Variants in IGFL4 observed in about 807,000 individuals in gnomAD.
The protein encoded by IGFL4 is insulin growth factor-like family member 4.
A neutral mutation model predicts 15.4 loss-of-function variants in IGFL4; 12 were observed. The observed-to-expected ratio is 0.78, with a 90% CI of 0.50 to 1.26. IGFL4 has a LOEUF of 1.26. Among genes scored for constraint, IGFL4 ranks in the 50% most tolerant of loss-of-function variants. The pLI is 0.00. For synonymous variants in IGFL4, 54 were observed against 55.9 expected (o/e 0.97, Z 0.16); for missense variants, 126 against 147.8 (o/e 0.85, Z 0.76).
At chr19:46,067,401 A>G (rs77452282) in intron 1 of IGFL4, among the ~76,000 whole-genome samples, 28 of 152,132 alleles carry the variant, frequency 1.8e-4, no homozygotes, top group African/African-American at 6.5e-4. Flanking sequence ...GCTTCCTTGC[A>G]TGCCTTCACC....
chr19:46,040,137 G>C lies in IGFL4; in HGVS notation c.330+20C>G. On this transcript the variant is annotated intron_variant, in intron 3 of 3. Transcript: ENST00000377697. The surrounding 1 kb of genome is among the most constrained non-coding windows in gnomAD (Gnocchi z 4.1). ...CCCTACTCCCCCCTCCCACAGCCTG[G>C]ACTGGAGTCAGATCCTTACCTGGGC... 6.2e-7 allele frequency: 1 copy of C among 1,612,386 alleles called. No homozygotes were observed. The highest frequency in any genetic ancestry group is 8.5e-7 in the Non-Finnish European group (1 of 1,179,296).
In IGFL4 at chr19:46,046,168, AT is replaced by A. The variant is rs1243362377; in HGVS notation, c.-322-5059del. ...TTCATATCCAGCCAAACTAAGCTTCATAAGTGGAGAAATAAGGTCCTTTTCA... is the reference window on the plus strand; with the variant it reads ...TTCATATCCAGCCAAACTAAGCTTCAAAGTGGAGAAATAAGGTCCTTTTCA... On this transcript the variant is annotated intron_variant, in intron 2 of 5. Coordinates refer to the IGFL4 transcript ENST00000601672. Among the ~76,000 whole-genome samples, 79 of 152,338 alleles carry A rather than the reference AT, an allele frequency of 5.2e-4. 1 individual carries two copies. Among genetic ancestry groups the A allele is most frequent in the African/African-American group, 1.9e-3 (78 of 41,574 alleles).
intron 1 of IGFL4, among the ~76,000 whole-genome samples, chr19:46,066,808 A>G (rs1447816370): frequency 6.6e-6 from 1 of 152,220 alleles, no homozygotes; most frequent in African/African-American, 2.4e-5. Context: ...CCCCACCTCC[A>G]ATACTGGTGA....
chr19:46,044,836 CA>C (rs1359978420), upstream of IGFL4, among the ~76,000 whole-genome samples: 4 of 152,076 alleles, frequency 2.6e-5, no homozygotes, highest in African/African-American at 9.7e-5. Context: ...AAAACGGAGG[CA>C]ACCAGGGTCT....
chr19:46,052,863 C>A (rs546244199), intron 2 of IGFL4, among the ~76,000 whole-genome samples: 17 of 129,542 alleles, frequency 1.3e-4, no homozygotes, highest in African/African-American at 4.8e-4. Flanking sequence ...TATATGTTAT[C>A]TCGTTTTTTT....
chr19:46,076,321 T>C (rs905289151), intron 1 of IGFL4, among the ~76,000 whole-genome samples: 1 of 152,364 alleles, frequency 6.6e-6, no homozygotes, highest in Admixed American at 6.5e-5. Context: ...CGAATTCATT[T>C]CTTGCTCAAA....
chr19:46,046,511 C>A (rs1433957297), intron 2 of IGFL4, among the ~76,000 whole-genome samples: 2 of 152,128 alleles, frequency 1.3e-5, no homozygotes, highest in Admixed American at 6.5e-5. Context: ...CTTCGAGAGA[C>A]CCATCTCACA....
In IGFL4 at chr19:46,040,816, T is replaced by C. The variant is rs1425117866; in HGVS notation, c.19+128A>G. 6 of 962,568 alleles carry C rather than the reference T, an allele frequency of 6.2e-6. No individual in the cohort carries two copies. Among genetic ancestry groups the C allele is most frequent in the Non-Finnish European group, 9.8e-6 (6 of 614,792 alleles). The allele number at this position is 962,568 out of a possible 1,614,324, so 59.6% of individuals were successfully genotyped here. On this transcript the variant is annotated intron_variant, in intron 1 of 3. Coordinates refer to ENST00000377697, the MANE Select transcript of IGFL4 (RefSeq NM_001002923.3). This position sits in a 1 kb window ranked among gnomAD's most constrained non-coding sequence, Gnocchi z 4.1. The stretch of plus-strand genomic sequence containing the variant: ...GATTACAATGCAGTCACAGATGACA[T>C]AGCAGTGATTATGAGGTGGGACACC...
intron 1 of IGFL4, among the ~76,000 whole-genome samples, chr19:46,061,026 C>T (rs184084302): frequency 7.2e-5 from 11 of 152,202 alleles, no homozygotes; most frequent in Non-Finnish European, 1.2e-4. Context: ...ACTTTTATTC[C>T]AATGTTCAAT....
chr19:46,043,380 T>C (rs1969265220), upstream of IGFL4, among the ~76,000 whole-genome samples: 1 of 152,204 alleles, frequency 6.6e-6, no homozygotes, highest in South Asian at 2.1e-4. Flanking sequence ...CTCCAAATTG[T>C]CTACAGATTT....
At chr19:46,041,839 T>TC (rs965506074), upstream of IGFL4, among the ~76,000 whole-genome samples, 3 of 36,928 alleles carry the variant, frequency 8.1e-5, no homozygotes, top group African/African-American at 1.6e-4. Flanking sequence ...CTCTCTCTCT[T>TC]TTTTTTTTTT....
At chr19:46,075,694 T>G (rs999377705) in intron 1 of IGFL4, among the ~76,000 whole-genome samples, 1 of 152,206 alleles carries the variant, frequency 6.6e-6, no homozygotes, top group African/African-American at 2.4e-5. Flanking sequence ...CAGCGTAAAG[T>G]TACTCTTTTT....
chr19:46,058,704 C>A (rs1256258270), intron 2 of IGFL4: 1 of 152,224 alleles, frequency 6.6e-6, no homozygotes, highest in South Asian at 2.1e-4. Context: ...AATTCTTGAC[C>A]TCTGTGCACC....
chr19:46,054,709 C>T (rs879299525), intron 2 of IGFL4, among the ~76,000 whole-genome samples: 2 of 151,958 alleles, frequency 1.3e-5, no homozygotes, highest in Non-Finnish European at 2.9e-5. Context: ...GGACCTAATA[C>T]CTAAAAAATT....
intron 1 of IGFL4, among the ~76,000 whole-genome samples, chr19:46,076,396 T>C (rs1969595939): frequency 6.6e-6 from 1 of 152,168 alleles, no homozygotes; most frequent in Non-Finnish European, 1.5e-5. Flanking sequence ...CATATTGTGA[T>C]CAATGTGGGG....
In IGFL4 at chr19:46,053,617, T is replaced by C. The variant is rs552753881; in HGVS notation, c.-323+6568A>G. The stretch of plus-strand genomic sequence containing the variant: ...ATGTCTCTTAGATATACTGATTTCC[T>C]TTTTTGTGTGTGATAAATGCCCAGT... On this transcript the variant is annotated intron_variant, in intron 2 of 5. Coordinates refer to the IGFL4 transcript ENST00000601672. 9.8e-5 allele frequency among the ~76,000 whole-genome samples: 15 copies of C among 152,338 alleles called. No homozygotes were observed. In the South Asian group the frequency reaches 2.9e-3, roughly 29 times the overall value.
At chr19:46,046,095 A>G (rs1408629289) in intron 2 of IGFL4, among the ~76,000 whole-genome samples, 2 of 152,190 alleles carry the variant, frequency 1.3e-5, no homozygotes, top group Non-Finnish European at 2.9e-5. Flanking sequence ...GCCAGAAGAG[A>G]TTGGGGGCCA....
intron 1 of IGFL4, among the ~76,000 whole-genome samples, chr19:46,074,310 T>C (rs1053392875): frequency 4.7e-5 from 7 of 149,960 alleles, no homozygotes; most frequent in Middle Eastern, 3.6e-3. Flanking sequence ...CACACACACA[T>C]ATATATATCT....
At chr19:46,054,196 GA>G (rs1969372797) in intron 2 of IGFL4, among the ~76,000 whole-genome samples, 1 of 152,082 alleles carries the variant, frequency 6.6e-6, no homozygotes, top group East Asian at 1.9e-4. Flanking sequence ...CTAATATCCT[GA>G]AGCATTTTCC....
Sources: gnomAD v4.1 joint callset for allele counts (sites outside exome capture counted in the v4.1 genomes callset) on GRCh38, gnomAD v4.1.1 for gene constraint, Gnocchi (gnomAD v3.1) non-coding constraint, MANE v1.5 for transcripts, NCBI Gene and HGNC (gene_info 2026-07-23, HGNC 2026-07-21) for gene names.